Variants in JPH2 observed in about 807,000 individuals in gnomAD.
The protein encoded by JPH2 is junctophilin-2.
A neutral mutation model predicts 55.9 loss-of-function variants in JPH2; 38 were observed. That is an observed-to-expected ratio of 0.68 (90% CI 0.52 to 0.89). JPH2 has a LOEUF of 0.89. JPH2 is among the 40% of genes least tolerant of loss of function. JPH2 has a pLI of 0.00. For synonymous variants in JPH2, 480 were observed against 472.4 expected (o/e 1.02, Z -0.21); for missense variants, 964 against 1,037.6 (o/e 0.93, Z 0.97).
rs1361995693 is a variant in JPH2 at position 44,116,347 on chromosome 20, A to G, written c.1328T>C (p.Leu443Pro). 3.2e-6 allele frequency: 5 copies of G among 1,547,276 alleles called. No individual in the cohort carries two copies. Among genetic ancestry groups the G allele is most frequent in the Non-Finnish European group, 4.4e-6 (5 of 1,146,606 alleles). Residue 443 changes from leucine (L) to proline (P), a missense_variant, in exon 4 of 6, where the codon CTG becomes CCG. Coordinates refer to ENST00000372980, the MANE Select transcript of JPH2 (RefSeq NM_020433.5). ...YQKRRLLQEI[L>P]ENSESLLEPP... The stretch of plus-strand genomic sequence containing the variant: ...CTCCAGCAGGCTCTCCGAGTTCTCC[A>G]GGATCTCCTGCAGCAGCCGGCGCTT...
At chr20:44,145,526 C>T (rs904173466) in intron 2 of JPH2, among the ~76,000 whole-genome samples, 19 of 151,466 alleles carry the variant, frequency 1.3e-4, no homozygotes, top group Admixed American at 4.6e-4. Flanking sequence ...ATCGCTTGAA[C>T]GCGGGAGGAG....
intron 2 of JPH2, among the ~76,000 whole-genome samples, chr20:44,148,357 T>A (rs1297130026): frequency 1.3e-5 from 2 of 152,122 alleles, no homozygotes; most frequent in East Asian, 3.9e-4. Context: ...GGCTGAGTGG[T>A]GGGACTGGAA....
rs941433908 is a variant in JPH2 at position 44,159,018 on chromosome 20, T to C, written c.1169+600A>G. Among the ~76,000 whole-genome samples the C allele has an allele frequency of 5.3e-5, 8 of 152,096 alleles. No individual in the cohort carries two copies. The highest frequency in any genetic ancestry group is 4.6e-4 in the Admixed American group (7 of 15,272). Reference sequence around the variant, plus strand: ...ACGGGTGGTTGAGTCGATGAATGGATGGGTGATGAGCTGGTTGAGTAGGTA... The same window carrying C: ...ACGGGTGGTTGAGTCGATGAATGGACGGGTGATGAGCTGGTTGAGTAGGTA... On this transcript the variant is annotated intron_variant, in intron 2 of 5. Transcript: ENST00000372980. The surrounding 1 kb of genome is among the most constrained non-coding windows in gnomAD (Gnocchi z 5.7).
chr20:44,122,168 C>A (rs888003921), intron 2 of JPH2, among the ~76,000 whole-genome samples: 2 of 152,178 alleles, frequency 1.3e-5, no homozygotes, highest in Admixed American at 6.5e-5. Flanking sequence ...GATGTCCAAG[C>A]CCCTGCCTCT....
At chr20:44,147,340 A>T (rs149268137) in intron 2 of JPH2, among the ~76,000 whole-genome samples, 1 of 152,324 alleles carries the variant, frequency 6.6e-6, no homozygotes, top group Non-Finnish European at 1.5e-5. Flanking sequence ...AAAACATGAA[A>T]TGTTTTCAGT....
intron 2 of JPH2, among the ~76,000 whole-genome samples, chr20:44,149,745 G>A (rs144728827): frequency 0.013 from 1,904 of 152,274 alleles, 39 homozygotes; most frequent in African/African-American, 0.044. Flanking sequence ...TTGGGAGGCC[G>A]AAGCAGTGGG....
chr20:44,177,756 G>T lies in JPH2; in HGVS notation c.379+8571C>A, dbSNP rs1017628537. On this transcript the variant is annotated intron_variant, in intron 1 of 5. Transcript: ENST00000372980. ...GAATCAAAGTCTTGTCTTATTTACT[G>T]TTCCAAAGTCAAAAACTCGTTTTTG... 8 of 1,447,660 alleles carry T rather than the reference G, an allele frequency of 5.5e-6. No homozygotes were observed. The African/African-American group carries it at 1.1e-4, about 21-fold the overall frequency. 89.7% of individuals were successfully genotyped at this position (1,447,660 alleles called of 1,614,324 possible).
At chr20:44,163,802 G>A (rs1319369077) in intron 1 of JPH2, among the ~76,000 whole-genome samples, 1 of 152,154 alleles carries the variant, frequency 6.6e-6, no homozygotes, top group East Asian at 1.9e-4. Flanking sequence ...ATCAATTCCT[G>A]TTTATTCTGT....
intron 2 of JPH2, among the ~76,000 whole-genome samples, chr20:44,127,682 G>A (rs2145847740): frequency 6.6e-6 from 1 of 152,008 alleles, no homozygotes; most frequent in East Asian, 1.9e-4. Context: ...GTAGAGACGG[G>A]GTTTCATCAT....
At position 44,186,757 on chromosome 20, in the gene JPH2, C is replaced by T. The variant is rs536568908; in HGVS notation, c.-52G>A. Reference sequence around the variant, plus strand: ...CGTCCTCCAGCGTGGGTGCAGAGGGCGTGGGTGATGCCTGCAACACTCCTC... The same window carrying T: ...CGTCCTCCAGCGTGGGTGCAGAGGGTGTGGGTGATGCCTGCAACACTCCTC... On this transcript the variant is annotated 5_prime_UTR_variant, in exon 1 of 6. Coordinates refer to ENST00000372980, the MANE Select transcript of JPH2 (RefSeq NM_020433.5). 1.9e-6 allele frequency: 3 copies of T among 1,567,276 alleles called. No individual in the cohort carries two copies. The highest frequency in any genetic ancestry group is 2.7e-5 in the African/African-American group (2 of 74,380).
chr20:44,171,064 G>A (rs2145888657), intron 1 of JPH2, among the ~76,000 whole-genome samples: 1 of 152,256 alleles, frequency 6.6e-6, no homozygotes, highest in Non-Finnish European at 1.5e-5. Context: ...ACTCTCAGCA[G>A]GTTACTCCCC....
At chr20:44,152,181 T>C (rs2072536023) in intron 2 of JPH2, among the ~76,000 whole-genome samples, 1 of 152,220 alleles carries the variant, frequency 6.6e-6, no homozygotes, top group Admixed American at 6.5e-5. Flanking sequence ...TCTTAAAGTT[T>C]GTGAAGGAAA....
rs2072135472 is a variant in JPH2 at position 44,110,628 on chromosome 20, G to C, written c.*2890C>G. Among the ~76,000 whole-genome samples the C allele has an allele frequency of 6.6e-6, 1 of 151,986 alleles. No individual in the cohort carries two copies. Among genetic ancestry groups the C allele is most frequent in the African/African-American group, 2.4e-5 (1 of 41,390 alleles). ...TCTTTTTTAGTAGAGATGGGGTTTT[G>C]CCATGTTGGCCAGGCTGGTCTCAAA... On this transcript the variant is annotated 3_prime_UTR_variant, in exon 6 of 6. Transcript: ENST00000372980.
At chr20:44,118,227 A>G (rs1360572352) in intron 3 of JPH2, among the ~76,000 whole-genome samples, 3 of 152,078 alleles carry the variant, frequency 2.0e-5, no homozygotes, top group Non-Finnish European at 4.4e-5. Context: ...TCTCTCCTCT[A>G]AGCTTCACCA....
intron 2 of JPH2, among the ~76,000 whole-genome samples, chr20:44,152,018 T>C (rs2072534139): frequency 6.6e-6 from 1 of 152,186 alleles, no homozygotes; most frequent in African/African-American, 2.4e-5. Context: ...TTGGACCCCA[T>C]CAATTTCATC....
rs142900599 is a variant in JPH2, at chr20:44,120,081, G to A, written c.1170-1458C>T. 4.6e-4 allele frequency among the ~76,000 whole-genome samples: 70 copies of A among 151,900 alleles called. No individual in the cohort carries two copies. In the East Asian group the frequency reaches 6.2e-3, roughly 13 times the overall value. On this transcript the variant is annotated intron_variant, in intron 2 of 5. Transcript: ENST00000372980. ...CATCTCAGCTCATCTCCTTCCCTAC[G>A]CCATCCTGCCTCTCATTCTTCTCTC...
At position 44,107,527 on chromosome 20, in the gene JPH2, T is replaced by C. The variant is rs1170005485; in HGVS notation, c.*5991A>G. On this transcript the variant is annotated 3_prime_UTR_variant, in exon 6 of 6. Coordinates refer to ENST00000372980, the MANE Select transcript of JPH2 (RefSeq NM_020433.5). ...CAAATTCCATCCTCCATACTCTCTT[T>C]CCTTTTCCTTTGGCAGATGCAGAGA... is the stretch of plus-strand genomic sequence containing the variant. 6.6e-6 allele frequency among the ~76,000 whole-genome samples: 1 copy of C among 152,180 alleles called. No homozygotes were observed. Among genetic ancestry groups the C allele is most frequent in the Admixed American group, 6.5e-5 (1 of 15,270 alleles).
chr20:44,181,321 C>T (rs1270675154), intron 1 of JPH2, among the ~76,000 whole-genome samples: 1 of 152,228 alleles, frequency 6.6e-6, no homozygotes, highest in Non-Finnish European at 1.5e-5. Context: ...TACATGCAGA[C>T]ACTTTTAAAC....
intron 2 of JPH2, among the ~76,000 whole-genome samples, chr20:44,151,962 G>A (rs911637212): frequency 6.6e-6 from 1 of 152,180 alleles, no homozygotes; most frequent in Non-Finnish European, 1.5e-5. Context: ...GGCCCCTGCA[G>A]GGAGCTTTCC....
Sources: gnomAD v4.1 joint callset for allele counts (sites outside exome capture counted in the v4.1 genomes callset) on GRCh38, gnomAD v4.1.1 for gene constraint, Gnocchi (gnomAD v3.1) non-coding constraint, MANE v1.5 for transcripts, NCBI Gene and HGNC (gene_info 2026-07-23, HGNC 2026-07-21) for gene names.